Variants in PRSS55 observed in about 807,000 individuals in gnomAD.
The protein encoded by PRSS55 is serine protease 55, also known as probable serine protease UNQ9391/PRO34284.
PRSS55 carries 41 observed loss-of-function variants against 23.6 expected under a neutral mutation model. The observed-to-expected ratio is 1.74, with a 90% CI of 1.35 to 2.26. The LOEUF is 2.26. PRSS55 is among the 30% of genes most tolerant of loss of function. PRSS55 has a pLI of 0.00. For synonymous variants in PRSS55, 262 were observed against 175.5 expected, an observed-to-expected ratio of 1.49 and a Z score of -3.90; for missense variants, 669 against 439.1, an observed-to-expected ratio of 1.52 and a Z score of -4.68.
chr8:10,542,102 T>G (rs1245156166), downstream of PRSS55, among the ~76,000 whole-genome samples: 3 of 152,200 alleles, frequency 2.0e-5, no homozygotes, highest in African/African-American at 7.2e-5. Flanking sequence ...AAAGCAACGT[T>G]TTGTCATGAT....
intron 1 of PRSS55, 113 bp from the exon 2 acceptor site, chr8:10,529,394 G>T: frequency 9.5e-7 from 1 of 1,055,096 alleles, no homozygotes; most frequent in South Asian, 1.3e-5. Context: ...TCTCTAGAAT[G>T]GGGATGAGGA....
At chr8:10,541,603 T>A (rs1198573233), downstream of PRSS55, 1 of 152,150 alleles carries the variant, frequency 6.6e-6, no homozygotes, top group Admixed American at 6.5e-5. Context: ...TACCTATATC[T>A]ATATTTATAT....
At chr8:10,526,425 T>A (rs1222902306) in intron 1 of PRSS55, among the ~76,000 whole-genome samples, 1 of 152,196 alleles carries the variant, frequency 6.6e-6, no homozygotes, top group Non-Finnish European at 1.5e-5. Flanking sequence ...GCACACCACT[T>A]CTTGCCCAGA....
At chr8:10,550,671 C>A (rs775090370) in intron 4 of PRSS55, among the ~76,000 whole-genome samples, 3 of 152,194 alleles carry the variant, frequency 2.0e-5, no homozygotes, top group African/African-American at 4.8e-5. Flanking sequence ...TGCCCCGAGA[C>A]AATGCTTGAT....
intron 4 of PRSS55, among the ~76,000 whole-genome samples, chr8:10,535,917 T>C (rs2117041975): frequency 6.6e-6 from 1 of 152,308 alleles, no homozygotes; most frequent in Non-Finnish European, 1.5e-5. Flanking sequence ...CCGGGAGCGG[T>C]GGTTCACGCC....
chr8:10,539,477 C>G (rs1812581568), downstream of PRSS55, among the ~76,000 whole-genome samples: 1 of 152,186 alleles, frequency 6.6e-6, no homozygotes, highest in Admixed American at 6.5e-5. Context: ...CTTACTGTAA[C>G]CCTTCTATGG....
Position 10,538,640 on chromosome 8 carries a change from G to A in PRSS55, c.906G>A (p.Glu302=). 1 of 1,614,158 alleles carries A rather than the reference G, an allele frequency of 6.2e-7. No homozygotes were observed. The highest frequency in any genetic ancestry group is 8.5e-7 in the Non-Finnish European group (1 of 1,180,020). The part of the protein sequence containing the change: ...NLWIEKVTQL[E]GRPFNAEKRR... ...GGATCGAGAAAGTGACCCAGCTAGA[G>A]GGCAGGCCCTTCAATGCAGAGAAAA... The change falls in exon 5 of 5, where the codon GAG becomes GAA. Residue 302 remains glutamate, a synonymous_variant. Transcript: ENST00000328655.
At chr8:10,528,145 G>A (rs1812103776) in intron 1 of PRSS55, among the ~76,000 whole-genome samples, 1 of 150,502 alleles carries the variant, frequency 6.6e-6, no homozygotes. Flanking sequence ...GTTGCAGTGA[G>A]CCGAGATGGT....
downstream of PRSS55, among the ~76,000 whole-genome samples, chr8:10,542,914 G>C (rs1359981533): frequency 6.7e-6 from 1 of 149,424 alleles, no homozygotes; most frequent in Non-Finnish European, 1.5e-5. Flanking sequence ...CTCTTGGAGG[G>C]ATATGAAATC....
At chr8:10,553,718 G>T (rs780861208) in intron 4 of PRSS55, among the ~76,000 whole-genome samples, 4 of 152,158 alleles carry the variant, frequency 2.6e-5, no homozygotes, top group Non-Finnish European at 5.9e-5. Context: ...TGCACAGCAT[G>T]GTTACTATTG....
At chr8:10,544,518 T>C (rs181223502) in intron 4 of PRSS55, among the ~76,000 whole-genome samples, 49 of 152,348 alleles carry the variant, frequency 3.2e-4, no homozygotes, top group African/African-American at 1.0e-3. Context: ...AATGTGATCA[T>C]TGATATAGTT....
At chr8:10,527,255 C>G (rs1433720325) in intron 1 of PRSS55, among the ~76,000 whole-genome samples, 1 of 152,150 alleles carries the variant, frequency 6.6e-6, no homozygotes, top group African/African-American at 2.4e-5. Flanking sequence ...CTTTAGTCAC[C>G]CCTAGCGTTT....
intron 4 of PRSS55, among the ~76,000 whole-genome samples, chr8:10,550,120 T>C (rs1180792901): frequency 6.6e-6 from 1 of 152,134 alleles, no homozygotes; most frequent in East Asian, 1.9e-4. Flanking sequence ...GGTTTCTCCA[T>C]GTTGGCCAGG....
At chr8:10,537,505 T>C (rs1417663384) in intron 4 of PRSS55, among the ~76,000 whole-genome samples, 3 of 152,060 alleles carry the variant, frequency 2.0e-5, no homozygotes, top group African/African-American at 7.2e-5. Context: ...GAAAACACAG[T>C]TAGTTAGAAT....
rs746431603 is a variant in PRSS55 at position 10,538,634 on chromosome 8, G to A, written c.900G>A (p.Gln300=). The A allele has an allele frequency of 6.2e-7, 1 of 1,614,044 alleles. No individual in the cohort carries two copies. Among genetic ancestry groups the A allele is most frequent in the African/African-American group, 1.3e-5 (1 of 74,922 alleles). ...NYNLWIEKVT[Q]LEGRPFNAEK... ...ACCTCTGGATCGAGAAAGTGACCCA[G>A]CTAGAGGGCAGGCCCTTCAATGCAG... Residue 300 remains glutamine, a synonymous_variant, in exon 5 of 5, where the codon CAG becomes CAA. Coordinates refer to ENST00000328655, the MANE Select transcript of PRSS55 (RefSeq NM_198464.4).
chr8:10,542,198 A>C (rs930749919), downstream of PRSS55, among the ~76,000 whole-genome samples: 1 of 152,172 alleles, frequency 6.6e-6, no homozygotes, highest in Admixed American at 6.5e-5. Flanking sequence ...GAGAGTTTTC[A>C]TACCTAGAGT....
In PRSS55 at chr8:10,532,112, G is replaced by A. The variant is rs1245629752; in HGVS notation, c.598+567G>A. Among the ~76,000 whole-genome samples the A allele has an allele frequency of 8.5e-5, 13 of 152,302 alleles. 1 individual carries two copies. The highest frequency in any genetic ancestry group is 7.2e-4 in the Admixed American group (11 of 15,300). On this transcript the variant is annotated intron_variant, in intron 3 of 4. Coordinates refer to ENST00000328655, the MANE Select transcript of PRSS55 (RefSeq NM_198464.4). ...ATAGATAGGGGAGGGGAGGGGATGA[G>A]AACAGCAAAGCATTGCGTCAGCCTG... is the stretch of plus-strand genomic sequence containing the variant.
downstream of PRSS55, among the ~76,000 whole-genome samples, chr8:10,539,868 C>T (rs1812595796): frequency 6.6e-6 from 1 of 152,224 alleles, no homozygotes; most frequent in South Asian, 2.1e-4. Context: ...CGGACTAACA[C>T]ACCCACTTTT....
chr8:10,533,973 A>G (rs1409688760), intron 4 of PRSS55, among the ~76,000 whole-genome samples: 1 of 152,212 alleles, frequency 6.6e-6, no homozygotes, highest in Non-Finnish European at 1.5e-5. Flanking sequence ...AAGGGAAAAG[A>G]GAAAGGAGAA....
Sources: gnomAD v4.1 joint callset for allele counts (sites outside exome capture counted in the v4.1 genomes callset) on GRCh38, gnomAD v4.1.1 for gene constraint, MANE v1.5 for transcripts, NCBI Gene and HGNC (gene_info 2026-07-23, HGNC 2026-07-21) for gene names.